HDAC9: variants seen among roughly 807,000 people sequenced by gnomAD.
HDAC9 encodes the protein histone deacetylase 9.
HDAC9 carries 41 observed loss-of-function variants against 139.4 expected under a neutral mutation model. That is an observed-to-expected ratio of 0.29 (90% CI 0.23 to 0.38). HDAC9 has a LOEUF of 0.38. Among genes scored for constraint, HDAC9 ranks in the 10% least tolerant of loss-of-function variants. HDAC9 has a pLI of 1.00. For missense variants in HDAC9, 1,147 were observed against 1,297.0 expected (o/e 0.88, Z 1.78); for synonymous variants, 517 against 476.2 (o/e 1.09, Z -1.12).
chr7:18,193,249 A>G (rs910155230), intron 2 of HDAC9, among the ~76,000 whole-genome samples: 6 of 152,186 alleles, frequency 3.9e-5, no homozygotes, highest in Admixed American at 6.5e-5. Flanking sequence ...AGGTAAAGTC[A>G]GATGAAAAGG....
intron 2 of HDAC9, among the ~76,000 whole-genome samples, chr7:18,498,162 A>G (rs1251938798): frequency 6.6e-6 from 1 of 152,126 alleles, no homozygotes; most frequent in Non-Finnish European, 1.5e-5. Flanking sequence ...ACTAAGTTCT[A>G]TTTATTTTTA....
At chr7:18,255,053 A>C (rs1795144358) in intron 2 of HDAC9, among the ~76,000 whole-genome samples, 1 of 152,160 alleles carries the variant, frequency 6.6e-6, no homozygotes, top group African/African-American at 2.4e-5. Flanking sequence ...CAAGCAAAGA[A>C]CCCTTTTTTA....
intron 2 of HDAC9, among the ~76,000 whole-genome samples, chr7:18,230,297 T>C (rs1200580619): frequency 6.6e-6 from 1 of 152,170 alleles, no homozygotes; most frequent in Admixed American, 6.5e-5. Context: ...GGTTAAAAAC[T>C]GTTAATAGTT....
intron 22 of HDAC9, among the ~76,000 whole-genome samples, chr7:18,919,867 G>GGTACCAGTACCATGCTGTTTTA (rs1803533708): frequency 6.6e-6 from 1 of 151,978 alleles, no homozygotes; most frequent in African/African-American, 2.4e-5. Flanking sequence ...TCTCTGTTTT[G>GGTACCAGTACCATGCTGTTTTA]GTACCAGTAC....
At chr7:18,784,509 A>G (rs1791529713) in intron 16 of HDAC9, among the ~76,000 whole-genome samples, 1 of 152,010 alleles carries the variant, frequency 6.6e-6, no homozygotes, top group East Asian at 1.9e-4. Flanking sequence ...ACAAAAAACA[A>G]AAAACAAAAA....
chr7:18,895,653 G>T (rs905452082), intron 22 of HDAC9, among the ~76,000 whole-genome samples: 1 of 152,012 alleles, frequency 6.6e-6, no homozygotes, highest in Non-Finnish European at 1.5e-5. Context: ...AGAAAGTTTT[G>T]ACTTGATACT....
At chr7:18,699,141 T>C (rs902753533) in intron 12 of HDAC9, among the ~76,000 whole-genome samples, 3 of 152,154 alleles carry the variant, frequency 2.0e-5, no homozygotes, top group Admixed American at 6.5e-5. Context: ...GGGGCAACCA[T>C]TGAGAACCAA....
chr7:18,202,785 G>A (rs1267632929), intron 2 of HDAC9, among the ~76,000 whole-genome samples: 1 of 152,110 alleles, frequency 6.6e-6, no homozygotes, highest in Non-Finnish European at 1.5e-5. Context: ...CCTGAGAGAG[G>A]TCATACAGGA....
chr7:18,767,694 A>G (rs1789946668), intron 16 of HDAC9, among the ~76,000 whole-genome samples: 1 of 152,164 alleles, frequency 6.6e-6, no homozygotes, highest in Non-Finnish European at 1.5e-5. Context: ...CCACATTTCA[A>G]GGACAAATTT....
intron 23 of HDAC9, among the ~76,000 whole-genome samples, chr7:18,944,724 T>A (rs1487859246): frequency 6.6e-6 from 1 of 152,152 alleles, no homozygotes; most frequent in East Asian, 1.9e-4. Flanking sequence ...ATCCCCTTTC[T>A]CTTTTCTGAA....
intron 1 of HDAC9, among the ~76,000 whole-genome samples, chr7:18,471,685 G>A (rs2128120352): frequency 6.6e-6 from 1 of 152,288 alleles, no homozygotes; most frequent in South Asian, 2.1e-4. Context: ...TGCACATGCT[G>A]TTCTGTGTGC....
At chr7:18,319,723 A>C (rs987679568) in intron 1 of HDAC9, among the ~76,000 whole-genome samples, 1 of 81,462 alleles carries the variant, frequency 1.2e-5, no homozygotes, top group Non-Finnish European at 2.8e-5. Flanking sequence ...TAGCCATCCA[A>C]CTTATGTATT....
chr7:18,929,379 C>T (rs1804524898), intron 22 of HDAC9, among the ~76,000 whole-genome samples: 1 of 151,930 alleles, frequency 6.6e-6, no homozygotes, highest in African/African-American at 2.4e-5. Flanking sequence ...CAGAGGATTT[C>T]ATTCTGAAAA....
intron 2 of HDAC9, among the ~76,000 whole-genome samples, chr7:18,166,862 TC>T (rs1788047037): frequency 6.6e-6 from 1 of 152,216 alleles, no homozygotes; most frequent in Non-Finnish European, 1.5e-5. Context: ...GGGTATTTTT[TC>T]TTCAGTTTGT....
intron 2 of HDAC9, among the ~76,000 whole-genome samples, chr7:18,237,706 A>G (rs1793917192): frequency 6.6e-6 from 1 of 152,248 alleles, no homozygotes; most frequent in African/African-American, 2.4e-5. Context: ...AAAATAAGCC[A>G]GCCTAAATTT....
At position 18,535,071 on chromosome 7, in the gene HDAC9, G is replaced by A. The variant is rs540429270; in HGVS notation, c.22+38747G>A. ...TGCTCACTCACTGCAGTTACTTCGG[G>A]TTGTGCTTTCTCCTTTCAGTGGGGC... On this transcript the variant is annotated intron_variant, in intron 2 of 25. Coordinates refer to ENST00000686413, the MANE Select transcript of HDAC9 (RefSeq NM_178425.4). 3.9e-5 allele frequency among the ~76,000 whole-genome samples: 6 copies of A among 152,234 alleles called. No homozygotes were observed. The South Asian group carries it at 8.3e-4, about 21-fold the overall frequency.
intron 2 of HDAC9, among the ~76,000 whole-genome samples, chr7:18,202,269 T>C (rs1791186896): frequency 6.6e-6 from 1 of 152,184 alleles, no homozygotes; most frequent in Non-Finnish European, 1.5e-5. Context: ...CTATTTCATT[T>C]TGTTCCAGAT....
chr7:18,448,535 A>G (rs1202390712), intron 1 of HDAC9, among the ~76,000 whole-genome samples: 1 of 152,166 alleles, frequency 6.6e-6, no homozygotes, highest in Non-Finnish European at 1.5e-5. Flanking sequence ...ATTAAATTGC[A>G]TAGGGAAGAG....
At chr7:18,124,441 A>G (rs889845176) in intron 1 of HDAC9, among the ~76,000 whole-genome samples, 3 of 152,206 alleles carry the variant, frequency 2.0e-5, no homozygotes, top group Non-Finnish European at 4.4e-5. Flanking sequence ...TATTCATTCA[A>G]CAAATGTTAA....
Sources: allele counts gnomAD v4.1 joint callset (sites outside exome capture counted in the v4.1 genomes callset), GRCh38; gene constraint gnomAD v4.1.1; transcripts MANE v1.5; gene names NCBI Gene and HGNC (gene_info 2026-07-23, HGNC 2026-07-21).